The following FRMD3 variants were observed in gnomAD, a reference collection of about 807,000 sequenced individuals.
The protein encoded by FRMD3 is FERM domain-containing protein 3.
In FRMD3, 33 loss-of-function variants were observed where a neutral mutation model predicts 70.2. The ratio of observed to expected loss-of-function variants is 0.47; its 90% CI spans 0.36 to 0.63. The LOEUF (loss-of-function observed/expected upper bound fraction) is 0.63, where lower values mean the gene tolerates loss of function less well. FRMD3 is among the 20% of genes least tolerant of loss of function. The probability of loss-of-function intolerance (pLI) is 0.00; values close to 1 mark genes in which losing one functional copy is unlikely to be tolerated. For synonymous variants in FRMD3, 279 were observed against 255.9 expected (o/e 1.09, Z -0.86); for missense variants, 632 against 711.4 (o/e 0.89, Z 1.27).
Position 83,325,243 on chromosome 9 carries a change from A to T in FRMD3, c.596+10273T>A, listed in dbSNP as rs149045146. ...CTATTCCAGTGATGGTTACGCTAAA[A>T]GCCCACACTTCACCACTATGCAATA... On this transcript the variant is annotated intron_variant, in intron 6 of 13. Transcript: ENST00000304195. Among the ~76,000 whole-genome samples, 469 of 152,320 alleles carry T rather than the reference A, an allele frequency of 3.1e-3. 3 individuals are homozygous for T. Among genetic ancestry groups the T allele is most frequent in the Non-Finnish European group, 3.1e-3 (209 of 68,028 alleles).
intron 9 of FRMD3, 124 bp downstream of exon 9, chr9:83,310,361 T>A (rs1385327806): frequency 5.1e-6 from 4 of 788,986 alleles, no homozygotes; most frequent in Non-Finnish European, 8.4e-6. Flanking sequence ...CATATAGCTT[T>A]CATTATCACC....
At chr9:83,367,178 G>A (rs970111162) in intron 3 of FRMD3, among the ~76,000 whole-genome samples, 5 of 152,218 alleles carry the variant, frequency 3.3e-5, no homozygotes, top group South Asian at 2.1e-4. Context: ...TCTGTTATCC[G>A]AGTACTCTTA....
At chr9:83,333,875 A>G (rs951886973) in intron 6 of FRMD3, among the ~76,000 whole-genome samples, 10 of 152,092 alleles carry the variant, frequency 6.6e-5, no homozygotes, top group African/African-American at 2.4e-4. Context: ...TCCTCATCCC[A>G]CACTAGAAAG....
chr9:83,575,947 AT>A, the FRMD3 span, among the ~76,000 whole-genome samples: 1 of 152,090 alleles, frequency 6.6e-6, no homozygotes, highest in African/African-American at 2.4e-5. Flanking sequence ...AGCCAGGCAC[AT>A]TGGCTCATGC....
chr9:83,351,477 C>T (rs74973768), intron 3 of FRMD3, among the ~76,000 whole-genome samples: 3,510 of 150,696 alleles, frequency 0.023, 146 homozygotes, highest in African/African-American at 0.08. Context: ...TTTTTTTTTC[C>T]TGAAGCACTA....
rs1295657657 is a variant in FRMD3, at chr9:83,537,493, A to G, written c.147+592T>C. Among the ~76,000 whole-genome samples the G allele has an allele frequency of 1.3e-5, 2 of 152,206 alleles. No homozygotes were observed. The highest frequency in any genetic ancestry group is 1.5e-5 in the Non-Finnish European group (1 of 68,034). On this transcript the variant is annotated intron_variant, in intron 1 of 13. Transcript: ENST00000304195. The surrounding 1 kb of genome is among the most constrained non-coding windows in gnomAD (Gnocchi z 4.1). ...GCTCCATCCCTCAAGGCTGGCGCCC[A>G]GGGCAGCCCGGCCTCTCTCACTCTG...
chr9:83,444,323 T>A (rs1827393491), intron 1 of FRMD3, among the ~76,000 whole-genome samples: 1 of 152,198 alleles, frequency 6.6e-6, no homozygotes, highest in Non-Finnish European at 1.5e-5. Context: ...TTTTTACACA[T>A]AAAACCAAGC....
chr9:83,325,155 T>C (rs1835961803), intron 6 of FRMD3, among the ~76,000 whole-genome samples: 1 of 152,152 alleles, frequency 6.6e-6, no homozygotes, highest in Non-Finnish European at 1.5e-5. Context: ...CACTGGAGAC[T>C]CAGAGGGTGA....
intron 1 of FRMD3, among the ~76,000 whole-genome samples, chr9:83,416,261 G>T (rs1225148225): frequency 6.6e-6 from 1 of 152,198 alleles, no homozygotes; most frequent in Non-Finnish European, 1.5e-5. Context: ...TTTCTTAAAA[G>T]GTTTTAAAAG....
chr9:83,246,161 A>ATGAT lies in FRMD3; in HGVS notation c.*1753_*1756dup, dbSNP rs1461213619. ...ATTGCCCAATTTAGAAATCATGCTA[A>ATGAT]TGATAGGGTTGGAATGTCATTAGCT... On this transcript the variant is annotated 3_prime_UTR_variant, in exon 14 of 14. Coordinates refer to ENST00000304195, the MANE Select transcript of FRMD3 (RefSeq NM_174938.6). 11 of 985,134 alleles carry ATGAT rather than the reference A, an allele frequency of 1.1e-5. No homozygotes were observed. In the African/African-American group the frequency reaches 1.9e-4, roughly 17 times the overall value. 61.0% of individuals were successfully genotyped at this position (985,134 alleles called of 1,614,324 possible). A position where few individuals can be genotyped will look rare whatever the true frequency, so the allele number is the denominator to read the frequency against.
At chr9:83,413,779 G>T (rs1371898515) in intron 1 of FRMD3, among the ~76,000 whole-genome samples, 1 of 151,964 alleles carries the variant, frequency 6.6e-6, no homozygotes, top group Non-Finnish European at 1.5e-5. Flanking sequence ...ATCTCAACTA[G>T]ATGACAGACT....
intron 1 of FRMD3, among the ~76,000 whole-genome samples, chr9:83,416,746 T>C (rs968740782): frequency 2.2e-5 from 1 of 44,642 alleles, no homozygotes; most frequent in African/African-American, 8.6e-5. Context: ...TTTCTCTCTG[T>C]CTCTCTCTCT....
chr9:83,491,650 C>G (rs181860222), intron 1 of FRMD3, among the ~76,000 whole-genome samples: 14 of 152,246 alleles, frequency 9.2e-5, no homozygotes, highest in Admixed American at 3.9e-4. Flanking sequence ...TGTCCTTCCA[C>G]AAAAATCCTC....
intron 3 of FRMD3, among the ~76,000 whole-genome samples, chr9:83,354,011 G>A (rs948658360): frequency 4.6e-5 from 7 of 151,814 alleles, no homozygotes; most frequent in Admixed American, 3.3e-4. Flanking sequence ...TGCAACCTCC[G>A]CCTCTTGGGT....
chr9:83,283,839 T>G lies in FRMD3; in HGVS notation c.1195+6764A>C, dbSNP rs920592030. 3.9e-5 allele frequency among the ~76,000 whole-genome samples: 6 copies of G among 152,222 alleles called. No individual in the cohort carries two copies. The East Asian group carries it at 1.2e-3, about 29-fold the overall frequency. On this transcript the variant is annotated intron_variant, in intron 13 of 13. Transcript: ENST00000304195. ...CTTCTAATTTAGGACATTTAACCCA[T>G]TTGTCTGTATTTGTGTTAAATATGT...
rs550388863 is a variant in FRMD3 at position 83,310,266 on chromosome 9, G to T, written c.837+219C>A. 2.0e-5 allele frequency among the ~76,000 whole-genome samples: 3 copies of T among 152,276 alleles called. No homozygotes were observed. In the South Asian group the frequency reaches 6.2e-4, roughly 32 times the overall value. On this transcript the variant is annotated intron_variant, in intron 9 of 13. Transcript: ENST00000304195. ...CTATCCCAGTCTGTTTTGCACATGG[G>T]GGTGTACAATCAGCATTGCTTACTG...
chr9:83,349,636 T>C (rs1343142185), intron 4 of FRMD3, 43 bp downstream of exon 4: 2 of 1,386,936 alleles, frequency 1.4e-6, no homozygotes, highest in South Asian at 2.4e-5. Context: ...AGATTCTGGC[T>C]GGTTAAAGGT....
In FRMD3 at chr9:83,475,166, A is replaced by T. The variant is rs530922261; in HGVS notation, c.147+62919T>A. ...CCAATAGGAAAAAAAAGCAGACAAC[A>T]GAAACAGATTCACAGGTGATCTAGA... On this transcript the variant is annotated intron_variant, in intron 1 of 13. Transcript: ENST00000304195. Among the ~76,000 whole-genome samples, 10 of 152,344 alleles carry T rather than the reference A, an allele frequency of 6.6e-5. No homozygotes were observed. The South Asian group carries it at 2.1e-3, about 32-fold the overall frequency.
chr9:83,564,530 T>A, the FRMD3 span, among the ~76,000 whole-genome samples: 2 of 152,354 alleles, frequency 1.3e-5, no homozygotes, highest in Middle Eastern at 3.4e-3. Flanking sequence ...AATATGTGCA[T>A]GTTTTCCTAA....
Sources: gnomAD v4.1 joint callset for allele counts (sites outside exome capture counted in the v4.1 genomes callset) on GRCh38, gnomAD v4.1.1 for gene constraint, Gnocchi (gnomAD v3.1) non-coding constraint, MANE v1.5 for transcripts, NCBI Gene and HGNC (gene_info 2026-07-23, HGNC 2026-07-21) for gene names.